Variants in DISP1 observed in about 807,000 individuals in gnomAD.
DISP1 encodes protein dispatched homolog 1.
DISP1 carries 30 observed loss-of-function variants against 37.3 expected under a neutral mutation model. The observed-to-expected ratio is 0.80, with a 90% CI of 0.60 to 1.09. The LOEUF (loss-of-function observed/expected upper bound fraction) is 1.09. Ranked by LOEUF, DISP1 falls within the 50% of genes least tolerant of loss-of-function variation. The pLI, the probability that DISP1 is intolerant of heterozygous loss-of-function variation, is 0.00. For synonymous variants in DISP1, 634 were observed against 690.2 expected, an observed-to-expected ratio of 0.92 and a Z score of 1.28; for missense variants, 1,598 against 1,879.5, an observed-to-expected ratio of 0.85 and a Z score of 2.77.
intron 3 of DISP1, among the ~76,000 whole-genome samples, chr1:222,957,550 C>G (rs1675701228): frequency 6.6e-6 from 1 of 152,132 alleles, no homozygotes; most frequent in Admixed American, 6.5e-5. Flanking sequence ...GATTATGCCA[C>G]TGCACTCCAG....
At position 223,004,375 on chromosome 1, in the gene DISP1, C is replaced by G; in HGVS notation, c.2978C>G (p.Ala993Gly). The change falls in exon 9 of 9, where the codon GCT becomes GGT. Residue 993 changes from alanine (A) to glycine (G), a missense_variant. By Grantham distance (60) the Ala-to-Gly change is moderately conservative. Transcript: ENST00000675850. The surrounding 1 kb of genome is among the most constrained non-coding windows in gnomAD (Gnocchi z 4.9). ...GTLIAMGLSV[A>G]VAFSVMLLTT... The stretch of plus-strand genomic sequence containing the variant: ...CTCATTGCCATGGGGCTGTCAGTTG[C>G]TGTTGCATTTAGCGTGATGCTGCTG... The G allele has an allele frequency of 6.2e-7, 1 of 1,614,222 alleles. No homozygotes were observed. The highest frequency in any genetic ancestry group is 8.5e-7 in the Non-Finnish European group (1 of 1,180,044).
intron 1 of DISP1, among the ~76,000 whole-genome samples, chr1:222,875,373 GT>G (rs1434771394): frequency 6.6e-6 from 1 of 151,824 alleles, no homozygotes; most frequent in African/African-American, 2.4e-5. Context: ...ATACACTTGT[GT>G]TTTTTTGTAT....
At chr1:222,937,726 C>T (rs1674059894) in intron 2 of DISP1, among the ~76,000 whole-genome samples, 1 of 146,024 alleles carries the variant, frequency 6.8e-6, no homozygotes, top group South Asian at 2.1e-4. Context: ...TCATGAACAG[C>T]AGGAAATGCA....
intron 3 of DISP1, among the ~76,000 whole-genome samples, chr1:222,980,386 A>G (rs1230638071): frequency 1.3e-5 from 2 of 151,104 alleles, no homozygotes; most frequent in African/African-American, 4.9e-5. Flanking sequence ...AGGATTGACA[A>G]ATAGGAATGG....
chr1:222,860,996 G>A (rs1283912058), intron 1 of DISP1, among the ~76,000 whole-genome samples: 2 of 152,096 alleles, frequency 1.3e-5, no homozygotes, highest in Non-Finnish European at 2.9e-5. Flanking sequence ...GAATTGTTTT[G>A]ATAAAAATAG....
At chr1:222,978,560 A>G (rs1325580246) in intron 3 of DISP1, among the ~76,000 whole-genome samples, 1 of 152,132 alleles carries the variant, frequency 6.6e-6, no homozygotes, top group Non-Finnish European at 1.5e-5. Flanking sequence ...TTTTGTTGCC[A>G]TTGCTTTTGG....
chr1:222,914,278 T>C (rs1672371884), intron 1 of DISP1, among the ~76,000 whole-genome samples: 1 of 152,230 alleles, frequency 6.6e-6, no homozygotes, highest in South Asian at 2.1e-4. Flanking sequence ...TTTAATTGCC[T>C]TCCAAAATAT....
Position 223,005,956 on chromosome 1 carries a change from T to G in DISP1, c.4559T>G (p.Leu1520Ter), listed in dbSNP as rs368507546. ...THSELSGESL[L>*]IKTL ...TCGGAACTTTCTGGTGAAAGTTTGTTAATAAAAACACTATAATAAATGCAG... is the reference window on the plus strand; with the variant it reads ...TCGGAACTTTCTGGTGAAAGTTTGTGAATAAAAACACTATAATAAATGCAG... The change falls in exon 9 of 9, where the codon TTA becomes TGA. Residue 1520 changes from leucine (L) to a stop codon, truncating the protein, a stop_gained. Coordinates refer to ENST00000675850, the MANE Select transcript of DISP1 (RefSeq NM_001377229.1). LOFTEE classifies it high-confidence loss of function. The G allele has an allele frequency of 3.7e-6, 6 of 1,613,324 alleles. No individual in the cohort carries two copies. Among genetic ancestry groups the G allele is most frequent in the Non-Finnish European group, 5.1e-6 (6 of 1,179,708 alleles).
chr1:222,816,576 G>A lies in DISP1; in HGVS notation c.-159+1498G>A, dbSNP rs530242869. ...TGGTGGTCTGACTTGAACTAATTCA[G>A]GAAAACTAGAACATTTTATATTTAT... On this transcript the variant is annotated intron_variant, in intron 1 of 8. Coordinates refer to ENST00000675850, the MANE Select transcript of DISP1 (RefSeq NM_001377229.1). Among the ~76,000 whole-genome samples, 3 of 152,294 alleles carry A rather than the reference G, an allele frequency of 2.0e-5. No homozygotes were observed. The East Asian group carries it at 5.8e-4, about 29-fold the overall frequency.
Position 223,004,108 on chromosome 1 carries a change from A to G in DISP1, c.2711A>G (p.His904Arg). 6.2e-7 allele frequency: 1 copy of G among 1,614,208 alleles called. No individual in the cohort carries two copies. Among genetic ancestry groups the G allele is most frequent in the Non-Finnish European group, 8.5e-7 (1 of 1,180,024 alleles). ...IMELERSTGY[H>R]LDSKTPGPRF... ...GAGCTGGAAAGGAGTACAGGGTACC[A>G]TTTGGATAGCAAAACCCCAGGGCCG... Residue 904 changes from histidine (H) to arginine (R), a missense_variant, in exon 9 of 9, where the codon CAT becomes CGT. His to Arg is a conservative substitution (Grantham distance 29, BLOSUM62 0). Transcript: ENST00000675850. This position sits in a 1 kb window ranked among gnomAD's most constrained non-coding sequence, Gnocchi z 4.9.
chr1:222,968,226 A>G (rs1387856713), intron 3 of DISP1, among the ~76,000 whole-genome samples: 1 of 152,122 alleles, frequency 6.6e-6, no homozygotes, highest in Non-Finnish European at 1.5e-5. Flanking sequence ...GGGTCAGACT[A>G]AAATTCTTTT....
intron 1 of DISP1, among the ~76,000 whole-genome samples, chr1:222,879,020 T>C (rs1670127401): frequency 6.6e-6 from 1 of 152,162 alleles, no homozygotes; most frequent in South Asian, 2.1e-4. Context: ...CTTGGTTCTT[T>C]GTCTGGTTCT....
At chr1:222,913,620 G>A (rs1672326668) in intron 1 of DISP1, among the ~76,000 whole-genome samples, 1 of 151,990 alleles carries the variant, frequency 6.6e-6, no homozygotes, top group Non-Finnish European at 1.5e-5. Context: ...TAAAGGAGTA[G>A]ATAAGGCTGG....
chr1:222,835,466 G>A (rs530667783), intron 1 of DISP1, among the ~76,000 whole-genome samples: 1 of 152,054 alleles, frequency 6.6e-6, no homozygotes, highest in South Asian at 2.1e-4. Flanking sequence ...TAAATAATTT[G>A]TTTCCTTGCA....
At chr1:222,984,575 T>C (rs542108084) in intron 4 of DISP1, among the ~76,000 whole-genome samples, 1 of 151,300 alleles carries the variant, frequency 6.6e-6, no homozygotes, top group South Asian at 2.1e-4. Context: ...ACTTTAAATG[T>C]TATAACATGT....
chr1:222,866,961 A>G (rs561222468), intron 1 of DISP1, among the ~76,000 whole-genome samples: 3 of 152,354 alleles, frequency 2.0e-5, no homozygotes, highest in African/African-American at 7.2e-5. Context: ...TTAGAAAATC[A>G]TCTGAAGTGA....
At chr1:222,949,954 A>C (rs1163810377) in intron 3 of DISP1, among the ~76,000 whole-genome samples, 1 of 152,220 alleles carries the variant, frequency 6.6e-6, no homozygotes, top group Admixed American at 6.5e-5. Context: ...AAGGCTGAAA[A>C]TAGTCTCTCC....
At chr1:222,929,170 T>C (rs1212189078) in intron 2 of DISP1, among the ~76,000 whole-genome samples, 3 of 152,180 alleles carry the variant, frequency 2.0e-5, no homozygotes, top group Non-Finnish European at 4.4e-5. Flanking sequence ...AGCTATATTT[T>C]AGTTGTTTAA....
intron 6 of DISP1, 83 bp downstream of exon 6, chr1:222,991,730 A>T (rs1678710256): frequency 5.6e-6 from 8 of 1,436,362 alleles, no homozygotes; most frequent in Admixed American, 2.0e-5. Context: ...TAAACAAAAA[A>T]TTTAAATGTA....
Sources: gnomAD v4.1 joint callset for allele counts (sites outside exome capture counted in the v4.1 genomes callset) on GRCh38, gnomAD v4.1.1 for gene constraint, Gnocchi (gnomAD v3.1) non-coding constraint, MANE v1.5 for transcripts, NCBI Gene and HGNC (gene_info 2026-07-23, HGNC 2026-07-21) for gene names.